The following ALG5 variants were observed in gnomAD, a reference collection of about 807,000 sequenced individuals.
The protein encoded by ALG5 is dolichyl-phosphate beta-glucosyltransferase.
ALG5 carries 26 observed loss-of-function variants against 51.8 expected under a neutral mutation model. That is an observed-to-expected ratio of 0.50 (90% confidence interval 0.37 to 0.70). The LOEUF is 0.70. Ranked by LOEUF, ALG5 falls within the 30% of genes least tolerant of loss-of-function variation. ALG5 has a pLI of 0.00. For synonymous variants in ALG5, 141 were observed against 136.1 expected, an observed-to-expected ratio of 1.04 and a Z score of -0.25; for missense variants, 311 against 399.3, an observed-to-expected ratio of 0.78 and a Z score of 1.88.
chr13:36,951,489 C>A (rs1480937314), intron 9 of ALG5, among the ~76,000 whole-genome samples: 1 of 152,186 alleles, frequency 6.6e-6, no homozygotes, highest in African/African-American at 2.4e-5. Context: ...TAATGGTTTA[C>A]TGCAACAAGG....
chr13:36,992,011 T>C (rs2059027631), intron 4 of ALG5, among the ~76,000 whole-genome samples: 1 of 152,186 alleles, frequency 6.6e-6, no homozygotes, highest in Non-Finnish European at 1.5e-5. Context: ...CATTTTGTGA[T>C]GAAGGAATGC....
At chr13:36,957,255 A>G (rs532074338) in intron 8 of ALG5, among the ~76,000 whole-genome samples, 26 of 151,618 alleles carry the variant, frequency 1.7e-4, no homozygotes, top group Non-Finnish European at 3.2e-4. Context: ...GGCCATTACC[A>G]GGAGAACACT....
chr13:36,982,425 A>G (rs968037582), intron 6 of ALG5, among the ~76,000 whole-genome samples: 2 of 152,246 alleles, frequency 1.3e-5, no homozygotes, highest in African/African-American at 2.4e-5. Flanking sequence ...TAGATTTAAG[A>G]GTCAGCAAAC....
chr13:36,979,292 G>A (rs982208046), intron 6 of ALG5, among the ~76,000 whole-genome samples: 1 of 152,164 alleles, frequency 6.6e-6, no homozygotes, highest in Non-Finnish European at 1.5e-5. Flanking sequence ...GAGCCACTGT[G>A]CCCGGCCACA....
At chr13:36,972,775 G>A (rs182914940) in intron 6 of ALG5, among the ~76,000 whole-genome samples, 29 of 152,054 alleles carry the variant, frequency 1.9e-4, no homozygotes, top group Middle Eastern at 3.2e-3. Flanking sequence ...GGCAGATCAC[G>A]AGGTCAGGAG....
At chr13:36,956,101 A>AT (rs2138780451) in intron 8 of ALG5, among the ~76,000 whole-genome samples, 1 of 152,316 alleles carries the variant, frequency 6.6e-6, no homozygotes, top group East Asian at 1.9e-4. Flanking sequence ...TGTAGGCCAT[A>AT]TATCTGATAA....
intron 4 of ALG5, among the ~76,000 whole-genome samples, chr13:36,991,435 T>G (rs181492476): frequency 6.6e-6 from 1 of 152,382 alleles, no homozygotes; most frequent in Admixed American, 6.5e-5. Context: ...ATCTGGCACA[T>G]AGCTGAAATC....
At chr13:36,988,687 T>C (rs2059012426) in intron 5 of ALG5, among the ~76,000 whole-genome samples, 1 of 151,884 alleles carries the variant, frequency 6.6e-6, no homozygotes, top group Non-Finnish European at 1.5e-5. Context: ...GAGGGCAACA[T>C]GTGATGATTT....
intron 6 of ALG5, among the ~76,000 whole-genome samples, chr13:36,975,047 C>T (rs2058943810): frequency 6.6e-6 from 1 of 152,140 alleles, no homozygotes; most frequent in Non-Finnish European, 1.5e-5. Context: ...CCTGTCTCTA[C>T]TAAAAATACA....
At chr13:36,969,270 T>C (rs1472387756) in intron 7 of ALG5, among the ~76,000 whole-genome samples, 1 of 152,132 alleles carries the variant, frequency 6.6e-6, no homozygotes, top group Non-Finnish European at 1.5e-5. Flanking sequence ...CCAAAACACA[T>C]GGCTCCTTTC....
chr13:36,965,777 G>C, intron 7 of ALG5, 51 bp from the exon 8 acceptor site: 3 of 1,544,918 alleles, frequency 1.9e-6, no homozygotes, highest in African/African-American at 2.8e-5. Context: ...CTGTAAAGGA[G>C]ACACTGAAAA....
intron 8 of ALG5, among the ~76,000 whole-genome samples, chr13:36,962,885 A>G: frequency 6.6e-6 from 1 of 152,202 alleles, no homozygotes; most frequent in Non-Finnish European, 1.5e-5. Flanking sequence ...AACTTTTTTC[A>G]TACTGATTGC....
rs546385040 is a variant in ALG5 at position 36,968,261 on chromosome 13, A to G, written c.622-2535T>C. 1.2e-4 allele frequency among the ~76,000 whole-genome samples: 18 copies of G among 152,298 alleles called. 1 individual carries two copies. In the South Asian group the frequency reaches 3.5e-3, roughly 30 times the overall value. ...GCCATTTAAAACATTAAGGAAAACA[A>G]TTTTCACTGTTTCAGTGTTAACGCT... On this transcript the variant is annotated intron_variant, in intron 7 of 9. Coordinates refer to ENST00000239891, the MANE Select transcript of ALG5 (RefSeq NM_013338.5).
intron 7 of ALG5, among the ~76,000 whole-genome samples, chr13:36,969,289 C>A (rs1185184574): frequency 6.6e-6 from 1 of 152,040 alleles, no homozygotes; most frequent in Non-Finnish European, 1.5e-5. Context: ...TCTACAGCCA[C>A]CACCAACAAA....
chr13:36,999,171 G>A, intron 1 of ALG5, 64 bp downstream of exon 1: 2 of 1,410,650 alleles, frequency 1.4e-6, no homozygotes, highest in Non-Finnish European at 1.9e-6. Flanking sequence ...GGACGCCTGA[G>A]GAGCCGCAGT....
At chr13:36,967,583 G>A (rs1372210930) in intron 7 of ALG5, 2 of 277,102 alleles carry the variant, frequency 7.2e-6, no homozygotes, top group East Asian at 1.6e-4. Flanking sequence ...TATCTATATG[G>A]TATGTAAAAC....
rs964243805 is a variant in ALG5, at chr13:36,965,806, T to C, written c.622-80A>G. Reference sequence around the variant, plus strand: ...CTGAAAACACCTGGCTGTAGACAACTGTATTTTAATATTTAATTGACTGGT... The same window carrying C: ...CTGAAAACACCTGGCTGTAGACAACCGTATTTTAATATTTAATTGACTGGT... On this transcript the variant is annotated intron_variant, in intron 7 of 9. Transcript: ENST00000239891. 20 of 1,211,848 alleles carry C rather than the reference T, an allele frequency of 1.7e-5. No homozygotes were observed. In the African/African-American group the frequency reaches 2.9e-4, roughly 18 times the overall value. The allele number at this position is 1,211,848 out of a possible 1,614,324, so 75.1% of individuals were successfully genotyped here. A position where few individuals can be genotyped will look rare whatever the true frequency, so the allele number is the denominator to read the frequency against.
chr13:36,965,475 A>T, intron 8 of ALG5, 100 bp downstream of exon 8: 1 of 1,256,336 alleles, frequency 8.0e-7, no homozygotes, highest in Non-Finnish European at 1.1e-6. Context: ...AATTTTGTTT[A>T]AATCTACATG....
chr13:36,977,193 AAGTT>A (rs1262186096), intron 6 of ALG5, among the ~76,000 whole-genome samples: 1 of 152,220 alleles, frequency 6.6e-6, no homozygotes, highest in Non-Finnish European at 1.5e-5. Context: ...TTTTTTCAAA[AAGTT>A]AGCTGTTCTT....
Sources: gnomAD v4.1 joint callset for allele counts (sites outside exome capture counted in the v4.1 genomes callset) on GRCh38, gnomAD v4.1.1 for gene constraint, MANE v1.5 for transcripts, NCBI Gene and HGNC (gene_info 2026-07-23, HGNC 2026-07-21) for gene names.